The following MARF1 variants were observed in gnomAD, a reference collection of about 807,000 sequenced individuals.
The protein encoded by MARF1 is limkain-b1.
MARF1 carries 24 observed loss-of-function variants against 168.2 expected under a neutral mutation model. The observed-to-expected ratio is 0.14, with a 90% confidence interval of 0.10 to 0.20. The LOEUF (loss-of-function observed/expected upper bound fraction) is 0.20. MARF1 is among the 10% of genes least tolerant of loss of function. The probability of loss-of-function intolerance (pLI) is 1.00; values close to 1 mark genes in which losing one functional copy is unlikely to be tolerated. For missense variants in MARF1, 1,744 were observed against 2,143.6 expected (o/e 0.81, Z 3.68); for synonymous variants, 868 against 822.4 (o/e 1.06, Z -0.95).
At chr16:15,639,386 C>A (rs768514275) in intron 1 of MARF1, 95 bp from the exon 2 acceptor site, 2 of 795,886 alleles carry the variant, frequency 2.5e-6, no homozygotes, top group Non-Finnish European at 2.0e-6. Context: ...TATTTACAGT[C>A]CTATGGCTCT....
Position 15,625,424 on chromosome 16 carries a change from G to A in MARF1, c.1901C>T (p.Ser634Leu). The A allele has an allele frequency of 6.2e-7, 1 of 1,613,096 alleles. No individual in the cohort carries two copies. Among genetic ancestry groups the A allele is most frequent in the African/African-American group, 1.3e-5 (1 of 74,916 alleles). The change falls in exon 8 of 27, where the codon TCA (serine) becomes TTA (leucine). Residue 634 changes from serine (S) to leucine (L), a missense_variant. Ser to Leu is a moderately radical substitution (Grantham distance 145, BLOSUM62 -2). This residue lies in a region of MARF1 where 270 missense variants were observed against 260.6 expected (regional missense o/e 1.04). Coordinates refer to ENST00000396368, the MANE Select transcript of MARF1 (RefSeq NM_014647.4). ...SSAKATPGKG[S>L]QANSGSATKN... is the part of the protein sequence containing the mutation. ...TGTAGCAGATCCAGAATTTGCCTGTGACCCTTTTCCAGGCGTGGCTTTGGC... is the reference window on the plus strand; with the variant it reads ...TGTAGCAGATCCAGAATTTGCCTGTAACCCTTTTCCAGGCGTGGCTTTGGC...
intron 7 of MARF1, among the ~76,000 whole-genome samples, chr16:15,628,620 G>A (rs958408832): frequency 3.3e-5 from 5 of 152,070 alleles, no homozygotes; most frequent in African/African-American, 1.2e-4. Context: ...CATCGGCCAG[G>A]CTGGTCTCGA....
chr16:15,633,588 A>C (rs776743194), intron 5 of MARF1, 29 bp downstream of exon 5: 3 of 1,416,688 alleles, frequency 2.1e-6, no homozygotes, highest in Non-Finnish European at 2.9e-6. Context: ...TCTACTGTAG[A>C]TTAAAATTAT....
At chr16:15,610,638 A>C (rs942606455) in intron 19 of MARF1, 1 of 214,678 alleles carries the variant, frequency 4.7e-6, no homozygotes, top group Non-Finnish European at 9.3e-6. Context: ...GTTCAACAGA[A>C]GAGCAAAGCC....
chr16:15,617,032 A>G lies in MARF1; in HGVS notation c.3077+20T>C. On this transcript the variant is annotated intron_variant, in intron 15 of 26. Coordinates refer to ENST00000396368, the MANE Select transcript of MARF1 (RefSeq NM_014647.4). The stretch of plus-strand genomic sequence containing the variant: ...GCAGAACTAGGGCATTATATCGACA[A>G]AGGCTTTGAGATGGTTCACCTCAAT... 6.2e-7 allele frequency: 1 copy of G among 1,600,110 alleles called. No individual in the cohort carries two copies. The highest frequency in any genetic ancestry group is 8.5e-7 in the Non-Finnish European group (1 of 1,175,836).
At chr16:15,613,238 G>A (rs1384997111) in intron 16 of MARF1, among the ~76,000 whole-genome samples, 2 of 152,154 alleles carry the variant, frequency 1.3e-5, no homozygotes, top group Non-Finnish European at 2.9e-5. Context: ...CACAGAAAGT[G>A]ATAATGTTGT....
rs750665995 is a variant in MARF1 at position 15,635,747 on chromosome 16, G to A, written c.740C>T (p.Thr247Met). 6.8e-6 allele frequency: 11 copies of A among 1,614,122 alleles called. No individual in the cohort carries two copies. Among genetic ancestry groups the A allele is most frequent in the Non-Finnish European group, 8.5e-6 (10 of 1,180,060 alleles). The change falls in exon 3 of 27, where the codon ACG (threonine) becomes ATG (methionine). Residue 247 changes from threonine to methionine, a missense_variant. Thr to Met is a moderately conservative substitution (Grantham distance 81, BLOSUM62 -1). Transcript: ENST00000396368. ...LEEHISQSELTPHLCTNSLHL... is the reference protein window; with the variant it reads ...LEEHISQSELMPHLCTNSLHL... ...CAAAGAGTTGGTGCACAAGTGAGGC[G>A]TTAGCTCCGACTGTGAAATGTGCTC...
chr16:15,640,969 C>T (rs865856871), intron 1 of MARF1, among the ~76,000 whole-genome samples: 2 of 152,152 alleles, frequency 1.3e-5, no homozygotes, highest in African/African-American at 2.4e-5. Flanking sequence ...TGGCAGCATG[C>T]GCCTAGTCCC....
At chr16:15,598,735 G>GT in intron 26 of MARF1, 119 bp downstream of exon 26, 1 of 986,724 alleles carries the variant, frequency 1.0e-6, no homozygotes, top group Non-Finnish European at 1.5e-6. Context: ...TCAGCACAGT[G>GT]TTTTCCACCT....
rs1306859016 is a variant in MARF1, at chr16:15,609,566, G to C, written c.3911C>G (p.Thr1304Ser). The C allele has an allele frequency of 6.2e-7, 1 of 1,614,122 alleles. No homozygotes were observed. Among genetic ancestry groups the C allele is most frequent in the South Asian group, 1.1e-5 (1 of 91,082 alleles). ...RQCKLAYYGFTKLLELFEAIP... is the reference protein window; with the variant it reads ...RQCKLAYYGFSKLLELFEAIP... ...GGCTTCAAAAAGTTCAAGTAGTTTG[G>C]TAAACCCATAGTACGCAAGTTTGCA... The change falls in exon 20 of 27, where the codon ACC (threonine) becomes AGC (serine). Residue 1304 changes from threonine to serine, a missense_variant. Coordinates refer to ENST00000396368, the MANE Select transcript of MARF1 (RefSeq NM_014647.4).
chr16:15,597,699 A>G (rs1461202802), intron 26 of MARF1, among the ~76,000 whole-genome samples: 2 of 152,188 alleles, frequency 1.3e-5, no homozygotes, highest in South Asian at 2.1e-4. Flanking sequence ...TCAAGAGAAG[A>G]GCGGCTGACA....
chr16:15,611,461 A>AAC (rs2033552007), intron 18 of MARF1, 131 bp downstream of exon 18: 166 of 853,420 alleles, frequency 1.9e-4, no homozygotes, highest in Non-Finnish European at 2.6e-4. Context: ...AAAAAAAAAA[A>AAC]AAAACAAAAA....
rs781216637 is a variant in MARF1 at position 15,634,942 on chromosome 16, T to A, written c.832-11A>T. The A allele has an allele frequency of 6.2e-7, 1 of 1,605,404 alleles. No homozygotes were observed. The highest frequency in any genetic ancestry group is 8.5e-7 in the Non-Finnish European group (1 of 1,175,696). On this transcript the variant is annotated splice_polypyrimidine_tract_variant and intron_variant, in intron 3 of 26. Coordinates refer to ENST00000396368, the MANE Select transcript of MARF1 (RefSeq NM_014647.4). ...GCTATTTCTTGCTGGCTGTTTTAAATTTTTTTTAAAAAGGAGGAGGTGTCA... is the reference window on the plus strand; with the variant it reads ...GCTATTTCTTGCTGGCTGTTTTAAAATTTTTTTAAAAAGGAGGAGGTGTCA...
intron 12 of MARF1, 66 bp downstream of exon 12, chr16:15,621,667 T>C: frequency 6.8e-7 from 1 of 1,461,810 alleles, no homozygotes; most frequent in Non-Finnish European, 9.4e-7. Flanking sequence ...TCTATTTTTA[T>C]TATTTCTAAA....
In MARF1 at chr16:15,596,940, G is replaced by A. The variant is rs1253209663; in HGVS notation, c.4985-3C>T. On this transcript the variant is annotated splice_polypyrimidine_tract_variant and splice_region_variant and intron_variant, in intron 26 of 26. Coordinates refer to ENST00000396368, the MANE Select transcript of MARF1 (RefSeq NM_014647.4). Reference sequence around the variant, plus strand: ...TTCTTGGTTTAAAATCATAATTTCTGTAAACACAGAAAAGCAAACAGATTC... The same window carrying A: ...TTCTTGGTTTAAAATCATAATTTCTATAAACACAGAAAAGCAAACAGATTC... 6.3e-7 allele frequency: 1 copy of A among 1,594,656 alleles called. No homozygotes were observed. Among genetic ancestry groups the A allele is most frequent in the Non-Finnish European group, 8.6e-7 (1 of 1,166,334 alleles).
Position 15,598,963 on chromosome 16 carries a change from C to G in MARF1, c.4875G>C (p.Leu1625=), listed in dbSNP as rs769198778. The part of the protein sequence containing the change: ...RLTDDSPVDL[L]CAPVPSCLPS... ...GCAGGCACGAGGGGACAGGCGCACA[C>G]AGGAGGTCGACGGGGGAGTCGTCGG... The change falls in exon 26 of 27, where the codon CTG becomes CTC. Residue 1625 remains leucine (L), a synonymous_variant. Transcript: ENST00000396368. The G allele has an allele frequency of 1.2e-6, 2 of 1,613,090 alleles. No individual in the cohort carries two copies. Among genetic ancestry groups the G allele is most frequent in the South Asian group, 1.1e-5 (1 of 91,004 alleles).
rs373082870 is a variant in MARF1 at position 15,602,622 on chromosome 16, G to GC, written c.4414-420_4414-419insG. On this transcript the variant is annotated intron_variant, in intron 22 of 26. Transcript: ENST00000396368. ...ACAAAGAAGAAGAAAGGAGGAGGAG[G>GC]AAGGAAAGAAGGAAGAGGAGAAAGA... The GC allele has an allele frequency of 9.6e-5, 11 of 114,486 alleles. 1 individual carries two copies. Among genetic ancestry groups the GC allele is most frequent in the South Asian group, 2.2e-4 (5 of 22,318 alleles). The allele number at this position is 114,486 out of a possible 1,614,324, so 7.1% of individuals were successfully genotyped here. A position where few individuals can be genotyped will look rare whatever the true frequency, so the allele number is the denominator to read the frequency against.
rs578207420 is a variant in MARF1, at chr16:15,617,042, G to C, written c.3077+10C>G. ...GGCATTATATCGACAAAGGCTTTGA[G>C]ATGGTTCACCTCAATAAAGGCACGG... On this transcript the variant is annotated intron_variant, in intron 15 of 26. Coordinates refer to ENST00000396368, the MANE Select transcript of MARF1 (RefSeq NM_014647.4). The C allele has an allele frequency of 8.8e-5, 142 of 1,607,108 alleles. No homozygotes were observed. The East Asian group carries it at 2.9e-3, about 33-fold the overall frequency.
intron 4 of MARF1, 76 bp downstream of exon 4, chr16:15,634,681 G>T (rs1346978588): frequency 2.9e-6 from 4 of 1,382,180 alleles, no homozygotes; most frequent in Non-Finnish European, 4.0e-6. Context: ...TCCTTCAAAG[G>T]TGATTAAATG....
Sources: gnomAD v4.1 joint callset for allele counts (sites outside exome capture counted in the v4.1 genomes callset) on GRCh38, gnomAD v4.1.1 for gene constraint, gnomAD v4.1.1 regional missense constraint, MANE v1.5 for transcripts, NCBI Gene and HGNC (gene_info 2026-07-23, HGNC 2026-07-21) for gene names.